Variants in SORCS2 observed in about 807,000 individuals in gnomAD.
The protein encoded by SORCS2 is VPS10 domain-containing receptor SorCS2.
In SORCS2, 100 loss-of-function variants were observed where a neutral mutation model predicts 141.6. The ratio of observed to expected loss-of-function variants is 0.71; its 90% CI spans 0.60 to 0.83. The LOEUF is 0.83. SORCS2 is among the 40% of genes least tolerant of loss of function. The probability of loss-of-function intolerance (pLI) is 0.00; values close to 1 mark genes in which losing one functional copy is unlikely to be tolerated. For synonymous variants in SORCS2, 789 were observed against 676.9 expected, an observed-to-expected ratio of 1.17 and a Z score of -2.57; for missense variants, 1,646 against 1,560.2, an observed-to-expected ratio of 1.05 and a Z score of -0.93.
chr4:7,716,667 T>C (rs1377237317), intron 17 of SORCS2, among the ~76,000 whole-genome samples: 1 of 140,206 alleles, frequency 7.1e-6, no homozygotes, highest in Non-Finnish European at 1.6e-5. Context: ...CCACCATCTA[T>C]CTATTCATTC....
chr4:7,340,044 G>A (rs1187798046), intron 1 of SORCS2, among the ~76,000 whole-genome samples: 1 of 152,226 alleles, frequency 6.6e-6, no homozygotes, highest in Non-Finnish European at 1.5e-5. Context: ...ACGTATGAAG[G>A]GCCTGTGGGG....
chr4:7,433,106 A>C, intron 2 of SORCS2: 1 of 443,218 alleles, frequency 2.3e-6, no homozygotes, highest in Non-Finnish European at 3.7e-6. Context: ...GTTCCGGTCC[A>C]GTAGAGATGC....
intron 3 of SORCS2, among the ~76,000 whole-genome samples, chr4:7,602,975 G>A (rs1466042944): frequency 2.6e-5 from 4 of 152,208 alleles, no homozygotes; most frequent in Non-Finnish European, 5.9e-5. Flanking sequence ...CGACCAACAT[G>A]GCAAAACCCC....
At chr4:7,226,819 C>A (rs552163669) in intron 1 of SORCS2, among the ~76,000 whole-genome samples, 3 of 152,086 alleles carry the variant, frequency 2.0e-5, no homozygotes, top group Admixed American at 1.3e-4. Flanking sequence ...CTTCAAGCAC[C>A]GCCGGGAAGC....
At chr4:7,378,326 G>T (rs979760013) in intron 1 of SORCS2, among the ~76,000 whole-genome samples, 2 of 152,138 alleles carry the variant, frequency 1.3e-5, no homozygotes. Flanking sequence ...GTATTAGTCT[G>T]TTCTCACACT....
chr4:7,689,326 C>T (rs1724067897), intron 10 of SORCS2, among the ~76,000 whole-genome samples, 160 bp from the exon 11 acceptor site: 1 of 152,206 alleles, frequency 6.6e-6, no homozygotes, highest in African/African-American at 2.4e-5. Flanking sequence ...TAAAGGTCAG[C>T]CTCACACCTG....
At chr4:7,533,050 G>A (rs368667010) in intron 3 of SORCS2, among the ~76,000 whole-genome samples, 6 of 152,198 alleles carry the variant, frequency 3.9e-5, no homozygotes, top group South Asian at 2.1e-4. Flanking sequence ...TCACACACCC[G>A]ATCTCTTTCC....
chr4:7,669,144 T>C (rs942834051), intron 8 of SORCS2, among the ~76,000 whole-genome samples: 2 of 152,222 alleles, frequency 1.3e-5, no homozygotes, highest in African/African-American at 4.8e-5. Context: ...GGTTTTCTTC[T>C]TCTTGCATTT....
chr4:7,196,071 T>C (rs1332775967), intron 1 of SORCS2, among the ~76,000 whole-genome samples: 1 of 152,228 alleles, frequency 6.6e-6, no homozygotes, highest in Non-Finnish European at 1.5e-5. Context: ...CGTTTAACAT[T>C]ATGTGGGTTT....
intron 3 of SORCS2, among the ~76,000 whole-genome samples, chr4:7,561,571 CCA>C (rs1714568682): frequency 7.4e-6 from 1 of 135,338 alleles, no homozygotes; most frequent in African/African-American, 3.0e-5. Flanking sequence ...CATCTACCTA[CCA>C]ATCCATCTAT....
intron 1 of SORCS2, among the ~76,000 whole-genome samples, chr4:7,316,263 C>T (rs1024235311): frequency 9.9e-5 from 15 of 151,608 alleles, no homozygotes; most frequent in African/African-American, 2.4e-4. Flanking sequence ...TGCATCCATT[C>T]GTGCATCCAT....
chr4:7,551,964 C>A (rs577573534), intron 3 of SORCS2, among the ~76,000 whole-genome samples: 29 of 152,204 alleles, frequency 1.9e-4, no homozygotes, highest in Non-Finnish European at 3.5e-4. Flanking sequence ...GCCTGCTCTG[C>A]AAATCATGGC....
intron 1 of SORCS2, among the ~76,000 whole-genome samples, chr4:7,306,962 C>G (rs772548750): frequency 6.6e-6 from 1 of 152,192 alleles, no homozygotes; most frequent in African/African-American, 2.4e-5. Context: ...AAGGGTCTCC[C>G]CTGCCGTGTG....
chr4:7,685,538 G>A (rs1723819110), intron 10 of SORCS2, among the ~76,000 whole-genome samples: 1 of 152,182 alleles, frequency 6.6e-6, no homozygotes, highest in African/African-American at 2.4e-5. Context: ...AGGCATGGTG[G>A]CACATGCCTA....
intron 1 of SORCS2, among the ~76,000 whole-genome samples, chr4:7,261,724 T>C (rs527347785): frequency 4.6e-5 from 7 of 152,330 alleles, no homozygotes; most frequent in South Asian, 2.1e-4. Flanking sequence ...TGAGTACTAA[T>C]AAAAGGAAAA....
intron 2 of SORCS2, among the ~76,000 whole-genome samples, chr4:7,486,416 C>T (rs954486558): frequency 1.1e-5 from 1 of 87,678 alleles, no homozygotes; most frequent in African/African-American, 4.4e-5. Context: ...CCTCCACGAC[C>T]CCCTGGCCCT....
chr4:7,673,682 T>A (rs1722924676), intron 8 of SORCS2, among the ~76,000 whole-genome samples: 1 of 152,236 alleles, frequency 6.6e-6, no homozygotes, highest in South Asian at 2.1e-4. Context: ...CTTTGTTTCC[T>A]AGATTGTAGA....
At chr4:7,532,162 C>A (rs539435872) in intron 3 of SORCS2, among the ~76,000 whole-genome samples, 2 of 152,170 alleles carry the variant, frequency 1.3e-5, no homozygotes, top group South Asian at 4.1e-4. Context: ...CCGTGGGTTC[C>A]GTGAGAAGAG....
intron 3 of SORCS2, among the ~76,000 whole-genome samples, chr4:7,550,042 G>C (rs931740960): frequency 1.3e-5 from 2 of 151,376 alleles, no homozygotes; most frequent in Admixed American, 6.6e-5. Context: ...GGGCCGGGGA[G>C]AGCTGGTGGC....
Sources: allele counts gnomAD v4.1 joint callset (sites outside exome capture counted in the v4.1 genomes callset), GRCh38; gene constraint gnomAD v4.1.1; transcripts MANE v1.5; gene names NCBI Gene and HGNC (gene_info 2026-07-23, HGNC 2026-07-21).